Variants in SPAG16 observed in about 807,000 individuals in gnomAD.
SPAG16 encodes the protein sperm associated antigen 16, also known as sperm-associated antigen 16 protein.
SPAG16 carries 86 observed loss-of-function variants against 80.4 expected under a neutral mutation model. That is an observed-to-expected ratio of 1.07 (90% CI 0.90 to 1.28). The LOEUF is 1.28. Among genes scored for constraint, SPAG16 ranks in the 50% most tolerant of loss-of-function variants. The probability of loss-of-function intolerance (pLI) is 0.00; values close to 1 mark genes in which losing one functional copy is unlikely to be tolerated. For synonymous variants in SPAG16, 294 were observed against 265.9 expected (o/e 1.11, Z -1.03); for missense variants, 870 against 765.3 (o/e 1.14, Z -1.61).
intron 14 of SPAG16, among the ~76,000 whole-genome samples, chr2:214,108,479 A>ACCCCC (rs1553719294): frequency 3.8e-5 from 2 of 52,412 alleles, no homozygotes; most frequent in East Asian, 3.5e-4. Context: ...ACACACACAC[A>ACCCCC]CCCCCACACA....
chr2:213,565,072 CAAAT>C (rs1353358653), intron 10 of SPAG16, among the ~76,000 whole-genome samples: 1 of 152,134 alleles, frequency 6.6e-6, no homozygotes, highest in Non-Finnish European at 1.5e-5. Flanking sequence ...AAGAGTTACT[CAAAT>C]AAGATGTGTC....
chr2:214,120,101 A>G (rs143791880), intron 14 of SPAG16, among the ~76,000 whole-genome samples: 135 of 151,976 alleles, frequency 8.9e-4, no homozygotes, highest in African/African-American at 3.1e-3. Context: ...TTCAGCCATT[A>G]TGTTATTAAA....
intron 15 of SPAG16, among the ~76,000 whole-genome samples, chr2:214,213,692 G>A (rs1376702596): frequency 1.3e-5 from 2 of 152,150 alleles, no homozygotes; most frequent in East Asian, 3.9e-4. Flanking sequence ...TGTGCTCAGA[G>A]AAGGATTGAG....
chr2:213,304,405 C>T (rs2062859173), intron 3 of SPAG16, among the ~76,000 whole-genome samples: 1 of 151,982 alleles, frequency 6.6e-6, no homozygotes, highest in African/African-American at 2.4e-5. Context: ...TATTACTTGT[C>T]TTGGATGCCT....
chr2:214,121,171 A>G (rs542921661), intron 14 of SPAG16, among the ~76,000 whole-genome samples: 1 of 151,938 alleles, frequency 6.6e-6, no homozygotes, highest in Non-Finnish European at 1.5e-5. Context: ...TCCACTATGT[A>G]GCATAGTTTG....
At chr2:213,624,717 T>A (rs1293176243) in intron 10 of SPAG16, among the ~76,000 whole-genome samples, 1 of 152,196 alleles carries the variant, frequency 6.6e-6, no homozygotes, top group Non-Finnish European at 1.5e-5. Flanking sequence ...TTGAAGCAGA[T>A]AATAGGAATT....
At chr2:213,537,099 G>C (rs1313482977) in intron 10 of SPAG16, among the ~76,000 whole-genome samples, 1 of 147,178 alleles carries the variant, frequency 6.8e-6, no homozygotes, top group Non-Finnish European at 1.5e-5. Flanking sequence ...ACTCATAGGT[G>C]GGAACTGAAC....
chr2:214,382,129 T>C (rs889365939), intron 15 of SPAG16, among the ~76,000 whole-genome samples: 5 of 152,222 alleles, frequency 3.3e-5, no homozygotes, highest in East Asian at 1.9e-4. Flanking sequence ...TGCTGTGTGA[T>C]GAATAGAAAA....
chr2:213,822,890 T>C (rs1173648612), intron 10 of SPAG16, among the ~76,000 whole-genome samples: 2 of 152,212 alleles, frequency 1.3e-5, no homozygotes, highest in African/African-American at 2.4e-5. Flanking sequence ...TCCATGTCCC[T>C]GCAAAGGACA....
chr2:213,954,291 C>T (rs2044007550), intron 12 of SPAG16, among the ~76,000 whole-genome samples: 1 of 151,922 alleles, frequency 6.6e-6, no homozygotes, highest in African/African-American at 2.4e-5. Context: ...TAATATGCAA[C>T]CTTTGGTGAC....
At position 213,658,280 on chromosome 2, in the gene SPAG16, C is replaced by T. The variant is rs139683493; in HGVS notation, c.1070+168190C>T. On this transcript the variant is annotated intron_variant, in intron 10 of 15. Coordinates refer to ENST00000331683, the MANE Select transcript of SPAG16 (RefSeq NM_024532.5). ...AAAAACGTACCCTGTGCCCAGAATA[C>T]TCTCCTCAGCAATCCTCCCCTTCTG... 5.6e-3 allele frequency among the ~76,000 whole-genome samples: 853 copies of T among 152,212 alleles called. 3 individuals are homozygous for T. The highest frequency in any genetic ancestry group is 9.5e-3 in the Non-Finnish European group (647 of 68,006).
intron 10 of SPAG16, among the ~76,000 whole-genome samples, chr2:213,498,086 A>G (rs981665598): frequency 2.6e-5 from 4 of 152,140 alleles, no homozygotes; most frequent in African/African-American, 9.7e-5. Flanking sequence ...TTTATTTAGT[A>G]TTTCAAACTA....
At chr2:214,066,799 A>G (rs1000888349) in intron 13 of SPAG16, among the ~76,000 whole-genome samples, 1 of 152,208 alleles carries the variant, frequency 6.6e-6, no homozygotes, top group African/African-American at 2.4e-5. Flanking sequence ...ATGAATATAG[A>G]TGGATGTTTT....
chr2:213,637,832 C>T (rs557073196), intron 10 of SPAG16, among the ~76,000 whole-genome samples: 6 of 152,272 alleles, frequency 3.9e-5, no homozygotes, highest in South Asian at 2.1e-4. Flanking sequence ...TCTCGGCTCA[C>T]GGCAAGCTCT....
intron 10 of SPAG16, among the ~76,000 whole-genome samples, chr2:213,825,969 A>G (rs1409325201): frequency 6.6e-6 from 1 of 151,408 alleles, no homozygotes; most frequent in Non-Finnish European, 1.5e-5. Context: ...GGATTTCTTT[A>G]TGGGTTAATC....
At chr2:213,674,171 A>T (rs991840984) in intron 10 of SPAG16, among the ~76,000 whole-genome samples, 3 of 152,122 alleles carry the variant, frequency 2.0e-5, no homozygotes, top group Non-Finnish European at 4.4e-5. Context: ...TAGTAAAAGT[A>T]ACTCTATATC....
intron 10 of SPAG16, among the ~76,000 whole-genome samples, chr2:213,681,374 G>T (rs1335125289): frequency 6.6e-6 from 1 of 152,182 alleles, no homozygotes; most frequent in African/African-American, 2.4e-5. Flanking sequence ...CACTTAGGTA[G>T]GAATTTGGGT....
At chr2:213,800,108 A>T (rs1317141671) in intron 10 of SPAG16, among the ~76,000 whole-genome samples, 1 of 151,990 alleles carries the variant, frequency 6.6e-6, no homozygotes. Flanking sequence ...GAGACTATTG[A>T]CCTCCTTGTT....
intron 10 of SPAG16, among the ~76,000 whole-genome samples, chr2:213,644,779 C>G (rs1373989409): frequency 6.6e-6 from 1 of 152,188 alleles, no homozygotes; most frequent in Non-Finnish European, 1.5e-5. Context: ...TGGCTGCCAC[C>G]ACTATGATGG....
Sources: gnomAD v4.1 joint callset for allele counts (sites outside exome capture counted in the v4.1 genomes callset) on GRCh38, gnomAD v4.1.1 for gene constraint, MANE v1.5 for transcripts, NCBI Gene and HGNC (gene_info 2026-07-23, HGNC 2026-07-21) for gene names.